Variants in CCND3 observed in about 807,000 individuals in gnomAD.
CCND3 encodes G1/S-specific cyclin-D3.
Under a neutral mutation model 28.7 loss-of-function variants are expected in CCND3, and 9 were observed. The ratio of observed to expected loss-of-function variants is 0.31; its 90% CI spans 0.19 to 0.55. The LOEUF is 0.55. Ranked by LOEUF, CCND3 falls within the 20% of genes least tolerant of loss-of-function variation. CCND3 has a pLI of 0.93. For missense variants in CCND3, 315 were observed against 385.8 expected (o/e 0.82, Z 1.54); for synonymous variants, 164 against 163.9 (o/e 1.00, Z 0.00).
At chr6:42,010,423 G>A (rs984389362) in intron 1 of CCND3, among the ~76,000 whole-genome samples, 1 of 152,160 alleles carries the variant, frequency 6.6e-6, no homozygotes, top group Admixed American at 6.5e-5. Context: ...GGCTGGGTTG[G>A]GGGAGGGAGT....
chr6:41,948,394 G>A (rs1486656443), intron 1 of CCND3, among the ~76,000 whole-genome samples: 1 of 151,422 alleles, frequency 6.6e-6, no homozygotes, highest in East Asian at 1.9e-4. Context: ...TGGAAGCAGT[G>A]GCATGATAAC....
At chr6:42,038,139 CA>C (rs1471070931) in intron 1 of CCND3, among the ~76,000 whole-genome samples, 2 of 151,808 alleles carry the variant, frequency 1.3e-5, no homozygotes, top group African/African-American at 4.8e-5. Context: ...CCTAATATGT[CA>C]GTCTCTAAAA....
intron 1 of CCND3, among the ~76,000 whole-genome samples, chr6:42,010,569 G>A (rs181701074): frequency 1.8e-4 from 27 of 152,262 alleles, no homozygotes; most frequent in South Asian, 1.7e-3. Flanking sequence ...CCCATCTAGC[G>A]GGGCCCCTTC....
upstream of CCND3, among the ~76,000 whole-genome samples, chr6:41,945,561 A>AT (rs1257050987): frequency 1.3e-5 from 2 of 152,126 alleles, no homozygotes; most frequent in Non-Finnish European, 2.9e-5. Flanking sequence ...GAACAAGGTG[A>AT]TGGGTGAGGC....
chr6:42,031,243 T>A (rs1764032955), intron 1 of CCND3: 1 of 152,236 alleles, frequency 6.6e-6, no homozygotes, highest in Admixed American at 6.6e-5. Flanking sequence ...TGCCCATCCG[T>A]AGGTTATTGG....
chr6:41,975,303 G>A (rs546510377), intron 1 of CCND3, among the ~76,000 whole-genome samples: 2 of 152,306 alleles, frequency 1.3e-5, no homozygotes, highest in Admixed American at 6.5e-5. Flanking sequence ...AGGTGAAACC[G>A]TGGAGATGGG....
intron 1 of CCND3, among the ~76,000 whole-genome samples, chr6:42,032,070 C>T (rs1339490615): frequency 6.6e-6 from 1 of 151,958 alleles, no homozygotes; most frequent in Non-Finnish European, 1.5e-5. Context: ...GGATTACAGG[C>T]GTGAGTCGCT....
chr6:41,999,809 C>G (rs867031745), intron 1 of CCND3, among the ~76,000 whole-genome samples: 19 of 152,108 alleles, frequency 1.2e-4, no homozygotes, highest in South Asian at 2.1e-4. Flanking sequence ...GAGGATTCTT[C>G]GAGCCTAGAA....
chr6:41,988,700 T>TTTC (rs1554163801), intron 1 of CCND3, among the ~76,000 whole-genome samples: 5 of 6,054 alleles, frequency 8.3e-4, no homozygotes, highest in Non-Finnish European at 2.1e-3. Context: ...ACTTCTTTTC[T>TTTC]TTTTTTTTTT....
chr6:42,037,448 G>T (rs1228789074), intron 1 of CCND3, among the ~76,000 whole-genome samples: 2 of 150,532 alleles, frequency 1.3e-5, no homozygotes, highest in Admixed American at 1.3e-4. Context: ...TATTGGCCAG[G>T]ATGGTCTCAA....
At chr6:41,999,267 A>G (rs1369935776) in intron 1 of CCND3, among the ~76,000 whole-genome samples, 2 of 152,088 alleles carry the variant, frequency 1.3e-5, no homozygotes, top group African/African-American at 2.4e-5. Flanking sequence ...GTATTTTGCC[A>G]GATGGAGTTT....
At position 41,939,897 on chromosome 6, in the gene CCND3, G is replaced by A. The variant is rs990217859; in HGVS notation, c.414+473C>T. Among the ~76,000 whole-genome samples, 2 of 152,086 alleles carry A rather than the reference G, an allele frequency of 1.3e-5. No homozygotes were observed. The highest frequency in any genetic ancestry group is 2.9e-5 in the Non-Finnish European group (2 of 68,000). On this transcript the variant is annotated intron_variant, in intron 2 of 4. Transcript: ENST00000372991. This position sits in a 1 kb window ranked among gnomAD's most constrained non-coding sequence, Gnocchi z 4.2. ...GCCTGGCTTTAATTGGCTCTGGGAG[G>A]CTTTTCTATCACAAAGTCCACATGA...
chr6:42,037,151 A>G (rs759603809), intron 1 of CCND3, among the ~76,000 whole-genome samples: 31 of 152,110 alleles, frequency 2.0e-4, no homozygotes, highest in Non-Finnish European at 3.8e-4. Context: ...TGTGTTAGCC[A>G]GGATGGTCTC....
Position 41,936,341 on chromosome 6 carries a change from T to C in CCND3, c.711+218A>G. On this transcript the variant is annotated intron_variant, in intron 4 of 4. Coordinates refer to ENST00000372991, the MANE Select transcript of CCND3 (RefSeq NM_001760.5). This position sits in a 1 kb window ranked among gnomAD's most constrained non-coding sequence, Gnocchi z 4.4. ...CCCACCCCCACTCCAGCACACCACT[T>C]GGCAAGAAAAGAACCCCTAGGGCCA... 1 of 667,422 alleles carries C rather than the reference T, an allele frequency of 1.5e-6. No homozygotes were observed. The highest frequency in any genetic ancestry group is 2.8e-5 in the East Asian group (1 of 36,214). 41.3% of individuals were successfully genotyped at this position (667,422 alleles called of 1,614,324 possible).
chr6:41,959,543 G>A (rs1234738864), intron 1 of CCND3, among the ~76,000 whole-genome samples: 1 of 151,892 alleles, frequency 6.6e-6, no homozygotes, highest in African/African-American at 2.4e-5. Context: ...AATTAGCTGG[G>A]CGTGGTGGTG....
At chr6:41,937,838 T>A in intron 2 of CCND3, 1 of 178,278 alleles carries the variant, frequency 5.6e-6, no homozygotes, top group Non-Finnish European at 1.2e-5. Context: ...AAAGGGGAGA[T>A]CACCACTAGC....
Position 41,974,182 on chromosome 6 carries a change from C to T in CCND3, c.-45-33597G>A, listed in dbSNP as rs550531380. 3.3e-5 allele frequency among the ~76,000 whole-genome samples: 5 copies of T among 151,674 alleles called. No individual in the cohort carries two copies. In the East Asian group the frequency reaches 7.7e-4, roughly 23 times the overall value. ...TGGGTAACAGAGCAAGACTCTGTCT[C>T]GAAGAAACAAAACAAAACAAAACAA... On this transcript the variant is annotated intron_variant, in intron 1 of 4. Coordinates refer to the CCND3 transcript ENST00000372988.
intron 1 of CCND3, among the ~76,000 whole-genome samples, chr6:41,964,406 G>C (rs1761806241): frequency 6.6e-6 from 1 of 150,914 alleles, no homozygotes; most frequent in Non-Finnish European, 1.5e-5. Flanking sequence ...GTGTGAATGT[G>C]TGTGTCTGTG....
intron 1 of CCND3, among the ~76,000 whole-genome samples, chr6:41,984,698 G>A (rs1026933637): frequency 3.9e-5 from 6 of 152,146 alleles, no homozygotes; most frequent in African/African-American, 1.4e-4. Context: ...TTCCTTTATA[G>A]TAGCTATACT....
Sources: gnomAD v4.1 joint callset for allele counts (sites outside exome capture counted in the v4.1 genomes callset) on GRCh38, gnomAD v4.1.1 for gene constraint, Gnocchi (gnomAD v3.1) non-coding constraint, MANE v1.5 for transcripts, NCBI Gene and HGNC (gene_info 2026-07-23, HGNC 2026-07-21) for gene names.